FBXO21: variants seen among roughly 807,000 people sequenced by gnomAD.
FBXO21 encodes F-box only protein 21.
Under a neutral mutation model 76.6 loss-of-function variants are expected in FBXO21, and 32 were observed. The observed-to-expected ratio is 0.42, with a 90% CI of 0.32 to 0.56. The LOEUF (loss-of-function observed/expected upper bound fraction) is 0.56. Ranked by LOEUF, FBXO21 falls within the 20% of genes least tolerant of loss-of-function variation. The pLI is 0.16. For synonymous variants in FBXO21, 328 were observed against 311.5 expected, an observed-to-expected ratio of 1.05 and a Z score of -0.56; for missense variants, 586 against 797.3, an observed-to-expected ratio of 0.73 and a Z score of 3.19.
intron 3 of FBXO21, among the ~76,000 whole-genome samples, chr12:117,185,745 A>C (rs1025874976): frequency 5.3e-5 from 8 of 152,258 alleles, no homozygotes; most frequent in African/African-American, 1.9e-4. Flanking sequence ...ATTGTAAAAA[A>C]TCATCCATTA....
At chr12:117,162,040 G>C (rs998652258) in intron 9 of FBXO21, among the ~76,000 whole-genome samples, 2 of 152,236 alleles carry the variant, frequency 1.3e-5, no homozygotes, top group African/African-American at 4.8e-5. Context: ...ATGTCCTGGG[G>C]AGTGAGTGGG....
chr12:117,153,268 G>A (rs528199258), intron 11 of FBXO21, among the ~76,000 whole-genome samples: 15 of 152,208 alleles, frequency 9.9e-5, no homozygotes, highest in Middle Eastern at 3.4e-3. Flanking sequence ...CAGATGTATC[G>A]CGAGGGCAAG....
chr12:117,177,663 G>T, intron 3 of FBXO21, 22 bp from the exon 4 acceptor site: 1 of 1,606,924 alleles, frequency 6.2e-7, no homozygotes. Context: ...AAGTCAGTAA[G>T]AATTAAGATT....
At chr12:117,170,130 T>A (rs1592885905) in intron 7 of FBXO21, among the ~76,000 whole-genome samples, 1 of 136,838 alleles carries the variant, frequency 7.3e-6, no homozygotes. Flanking sequence ...ATCTTAAAAA[T>A]TACCATTTAC....
At chr12:117,156,022 T>C in intron 10 of FBXO21, 74 bp from the exon 11 acceptor site, 1 of 1,396,350 alleles carries the variant, frequency 7.2e-7, no homozygotes, top group Non-Finnish European at 1.0e-6. Flanking sequence ...GCGTGGCTTC[T>C]CAGCTCACAT....
intron 3 of FBXO21, among the ~76,000 whole-genome samples, chr12:117,178,586 T>C (rs1420159880): frequency 2.0e-5 from 3 of 151,990 alleles, no homozygotes; most frequent in African/African-American, 7.2e-5. Context: ...CTGACCCCAA[T>C]TCCTGCCACT....
At chr12:117,181,580 GATCT>G (rs920949725) in intron 3 of FBXO21, among the ~76,000 whole-genome samples, 59 of 107,990 alleles carry the variant, frequency 5.5e-4, no homozygotes, top group Middle Eastern at 4.3e-3. Context: ...TCGATCGATC[GATCT>G]ATCTATCTGA....
intron 11 of FBXO21, among the ~76,000 whole-genome samples, chr12:117,154,457 C>A (rs930627282): frequency 6.6e-6 from 1 of 152,210 alleles, no homozygotes; most frequent in African/African-American, 2.4e-5. Flanking sequence ...ACAATCAGAG[C>A]ACACTGTAGC....
At chr12:117,154,720 C>G (rs1331553021) in intron 11 of FBXO21, among the ~76,000 whole-genome samples, 1 of 152,218 alleles carries the variant, frequency 6.6e-6, no homozygotes, top group Non-Finnish European at 1.5e-5. Context: ...CTCACCCTCT[C>G]GAAGTGCTGG....
chr12:117,165,382 T>C lies in FBXO21; in HGVS notation c.1326+103A>G, dbSNP rs535044283. On this transcript the variant is annotated intron_variant, in intron 9 of 11. Transcript: ENST00000622495. ...GATTGGGAGACTGAATAAATTTGTGTTTATTCCCCATGTTAACACAAAGAT... is the reference window on the plus strand; with the variant it reads ...GATTGGGAGACTGAATAAATTTGTGCTTATTCCCCATGTTAACACAAAGAT... 1.8e-5 allele frequency: 21 copies of C among 1,185,002 alleles called. No homozygotes were observed. The South Asian group carries it at 3.4e-4, about 19-fold the overall frequency. The allele number at this position is 1,185,002 out of a possible 1,614,324, so 73.4% of individuals were successfully genotyped here. A position where few individuals can be genotyped will look rare whatever the true frequency, so the allele number is the denominator to read the frequency against.
chr12:117,170,145 GA>G (rs58416861), intron 7 of FBXO21, among the ~76,000 whole-genome samples: 1,727 of 64,682 alleles, frequency 0.027, 29 homozygotes, highest in African/African-American at 0.094. Flanking sequence ...ATTTACAACT[GA>G]AAAAAAAAAA....
At position 117,190,445 on chromosome 12, in the gene FBXO21, T is replaced by C. The variant is rs547899712; in HGVS notation, c.12A>G (p.Ala4=). The C allele has an allele frequency of 3.2e-4, 438 of 1,372,048 alleles. 4 individuals are homozygous for C. In the South Asian group the frequency reaches 5.5e-3, roughly 17 times the overall value. 85.0% of individuals were successfully genotyped at this position (1,372,048 alleles called of 1,614,324 possible). Residue 4 remains alanine, a synonymous_variant, in exon 1 of 12, where the codon GCA becomes GCG. Coordinates refer to ENST00000622495, the MANE Select transcript of FBXO21 (RefSeq NM_015002.3). ...CCACCTCCATCGCGCTGTCGACTGCTGCCGCCGCCATCTTGTCCGCGTACC... is the reference window on the plus strand; with the variant it reads ...CCACCTCCATCGCGCTGTCGACTGCCGCCGCCGCCATCTTGTCCGCGTACC... MAA[A]AVDSAMEVVP...
At chr12:117,164,650 C>T (rs947395912) in intron 9 of FBXO21, among the ~76,000 whole-genome samples, 6 of 152,032 alleles carry the variant, frequency 3.9e-5, no homozygotes, top group Admixed American at 6.6e-5. Flanking sequence ...TTTAGATCTC[C>T]GAAGTTGTGA....
chr12:117,176,775 T>C (rs779392261), intron 4 of FBXO21, among the ~76,000 whole-genome samples: 1 of 151,670 alleles, frequency 6.6e-6, no homozygotes, highest in Non-Finnish European at 1.5e-5. Flanking sequence ...TAAAAATAAA[T>C]ACATTTTTTT....
In FBXO21 at chr12:117,142,802, G is replaced by C. The variant is rs1476564222; in HGVS notation, c.*3285C>G. On this transcript the variant is annotated 3_prime_UTR_variant, in exon 12 of 12. Coordinates refer to ENST00000622495, the MANE Select transcript of FBXO21 (RefSeq NM_015002.3). ...TTCACTTACTTGGAGTATGGACTAAGGAGGGGAAAGCAAAGAGATGCGACA... is the reference window on the plus strand; with the variant it reads ...TTCACTTACTTGGAGTATGGACTAACGAGGGGAAAGCAAAGAGATGCGACA... 1.3e-5 allele frequency: 2 copies of C among 152,168 alleles called. No homozygotes were observed. Among genetic ancestry groups the C allele is most frequent in the Non-Finnish European group, 2.9e-5 (2 of 68,040 alleles). The allele number at this position is 152,168 out of a possible 1,614,324, so 9.4% of individuals were successfully genotyped here. A position where few individuals can be genotyped will look rare whatever the true frequency, so the allele number is the denominator to read the frequency against.
chr12:117,152,983 G>C lies in FBXO21; in HGVS notation c.1675+2808C>G, dbSNP rs1383583736. Among the ~76,000 whole-genome samples, 2 of 152,072 alleles carry C rather than the reference G, an allele frequency of 1.3e-5. 1 individual carries two copies. The highest frequency in any genetic ancestry group is 2.9e-5 in the Non-Finnish European group (2 of 68,022). On this transcript the variant is annotated intron_variant, in intron 11 of 11. Coordinates refer to ENST00000622495, the MANE Select transcript of FBXO21 (RefSeq NM_015002.3). Reference sequence around the variant, plus strand: ...AAGTGGGCTGGAGTATGTCAGGCGTGGGAACCGTGCTGGGGCTGTAAGGGG... The same window carrying C: ...AAGTGGGCTGGAGTATGTCAGGCGTCGGAACCGTGCTGGGGCTGTAAGGGG...
At position 117,186,941 on chromosome 12, in the gene FBXO21, A is replaced by G. The variant is rs527889313; in HGVS notation, c.376-370T>C. Among the ~76,000 whole-genome samples, 3 of 152,344 alleles carry G rather than the reference A, an allele frequency of 2.0e-5. No individual in the cohort carries two copies. In the South Asian group the frequency reaches 6.2e-4, roughly 32 times the overall value. On this transcript the variant is annotated intron_variant, in intron 2 of 11. Coordinates refer to ENST00000622495, the MANE Select transcript of FBXO21 (RefSeq NM_015002.3). ...AAGGAGTTTGAGACCAGCCTGATCAACGTGGTGAAACCCCATGTCTACTAA... is the reference window on the plus strand; with the variant it reads ...AAGGAGTTTGAGACCAGCCTGATCAGCGTGGTGAAACCCCATGTCTACTAA...
At chr12:117,160,374 G>T (rs575017470) in intron 9 of FBXO21, among the ~76,000 whole-genome samples, 2 of 152,220 alleles carry the variant, frequency 1.3e-5, no homozygotes, top group East Asian at 3.9e-4. Context: ...GAGATCCATT[G>T]TCTATGGATC....
At chr12:117,164,924 C>A (rs1956034049) in intron 9 of FBXO21, among the ~76,000 whole-genome samples, 1 of 152,184 alleles carries the variant, frequency 6.6e-6, no homozygotes, top group African/African-American at 2.4e-5. Context: ...CCACACAGCT[C>A]ACGGAGGTAA....
Sources: allele counts gnomAD v4.1 joint callset (sites outside exome capture counted in the v4.1 genomes callset), GRCh38; gene constraint gnomAD v4.1.1; transcripts MANE v1.5; gene names NCBI Gene and HGNC (gene_info 2026-07-23, HGNC 2026-07-21).